SLC4A10: variants seen among roughly 807,000 people sequenced by gnomAD.
SLC4A10 encodes solute carrier family 4 member 10, also known as sodium-driven chloride bicarbonate exchanger.
Under a neutral mutation model 137.7 loss-of-function variants are expected in SLC4A10, and 42 were observed. The observed-to-expected ratio is 0.30, with a 90% CI of 0.24 to 0.39. The LOEUF (loss-of-function observed/expected upper bound fraction) is 0.39, where lower values mean the gene tolerates loss of function less well. SLC4A10 is among the 10% of genes least tolerant of loss of function. The pLI is 1.00. For synonymous variants in SLC4A10, 474 were observed against 464.1 expected, an observed-to-expected ratio of 1.02 and a Z score of -0.27; for missense variants, 925 against 1,355.0, an observed-to-expected ratio of 0.68 and a Z score of 4.98.
intron 4 of SLC4A10, among the ~76,000 whole-genome samples, chr2:161,850,622 A>G (rs1040088859): frequency 1.3e-5 from 2 of 152,042 alleles, no homozygotes; most frequent in African/African-American, 2.4e-5. Flanking sequence ...TAGTATAGCT[A>G]ATAGTATATC....
At chr2:161,875,905 A>T (rs2125939420) in intron 8 of SLC4A10, among the ~76,000 whole-genome samples, 1 of 152,294 alleles carries the variant, frequency 6.6e-6, no homozygotes, top group East Asian at 1.9e-4. Flanking sequence ...AATCCCTATG[A>T]AGTTTCTTGT....
intron 9 of SLC4A10, among the ~76,000 whole-genome samples, chr2:161,879,786 T>C (rs1389827128): frequency 6.6e-6 from 1 of 152,078 alleles, no homozygotes; most frequent in Non-Finnish European, 1.5e-5. Context: ...CTAGGCACAG[T>C]GGGCTTCCGA....
intron 11 of SLC4A10, among the ~76,000 whole-genome samples, chr2:161,899,921 A>G (rs1682664763): frequency 6.6e-6 from 1 of 152,100 alleles, no homozygotes; most frequent in Admixed American, 6.6e-5. Context: ...ATTTTTCAAA[A>G]CCTTTTTTAT....
At chr2:161,981,065 A>G (rs1360934079) in intron 26 of SLC4A10, among the ~76,000 whole-genome samples, 1 of 152,260 alleles carries the variant, frequency 6.6e-6, no homozygotes, top group Non-Finnish European at 1.5e-5. Context: ...AAGAGGGAAA[A>G]AAACCCAGAC....
intron 2 of SLC4A10, among the ~76,000 whole-genome samples, chr2:161,789,259 T>A (rs773710252): frequency 3.3e-5 from 5 of 152,178 alleles, no homozygotes; most frequent in Non-Finnish European, 5.9e-5. Context: ...TCTGACAATT[T>A]GTCAGTCAGC....
At chr2:161,981,581 A>T (rs1438839196) in intron 26 of SLC4A10, among the ~76,000 whole-genome samples, 2 of 152,246 alleles carry the variant, frequency 1.3e-5, no homozygotes, top group Non-Finnish European at 2.9e-5. Context: ...TTGGCAAAAG[A>T]GACTGGAAGG....
intron 15 of SLC4A10, among the ~76,000 whole-genome samples, chr2:161,912,243 C>T (rs560703578): frequency 6.6e-6 from 1 of 152,188 alleles, no homozygotes; most frequent in South Asian, 2.1e-4. Context: ...ACTTTCTTGT[C>T]AAATAGGTAT....
chr2:161,656,829 A>G (rs2037604614), intron 1 of SLC4A10, among the ~76,000 whole-genome samples: 1 of 152,102 alleles, frequency 6.6e-6, no homozygotes, highest in Non-Finnish European at 1.5e-5. Flanking sequence ...AAATGCATAT[A>G]TGTTCTTTGT....
intron 2 of SLC4A10, among the ~76,000 whole-genome samples, chr2:161,784,708 T>A (rs919044797): frequency 2.0e-5 from 3 of 151,326 alleles, no homozygotes; most frequent in Admixed American, 6.6e-5. Flanking sequence ...GACATGAAGA[T>A]GAAAACATAA....
chr2:161,796,333 G>A lies in SLC4A10; in HGVS notation c.131-8116G>A, dbSNP rs186310450. Among the ~76,000 whole-genome samples the A allele has an allele frequency of 2.3e-4, 35 of 152,228 alleles. No homozygotes were observed. In the South Asian group the frequency reaches 5.0e-3, roughly 22 times the overall value. Reference sequence around the variant, plus strand: ...GTTCTTCTAATGTGAATCAGCTGGCGCCCGCTTCTACAATCAGCTGATGAT... The same window carrying A: ...GTTCTTCTAATGTGAATCAGCTGGCACCCGCTTCTACAATCAGCTGATGAT... On this transcript the variant is annotated intron_variant, in intron 2 of 26. Transcript: ENST00000446997.
At position 161,905,734 on chromosome 2, in the gene SLC4A10, C is replaced by G. The variant is rs1442274736; in HGVS notation, c.1844C>G (p.Ser615Cys). Reference sequence around the variant, plus strand: ...ATACTTGTGGCCACAGATGCTAGTTCCCTTGTCTGCTACATCACTCGGTTT... The same window carrying G: ...ATACTTGTGGCCACAGATGCTAGTTGCCTTGTCTGCTACATCACTCGGTTT... Reference protein sequence around the residue: ...CIILVATDASSLVCYITRFTE... With the variant: ...CIILVATDASCLVCYITRFTE... Residue 615 changes from serine (S) to cysteine (C), a missense_variant, in exon 15 of 27, where the codon TCC (serine) becomes TGC (cysteine). Physicochemically the swap from Ser to Cys is moderately radical, Grantham distance 112. Around this residue, in one of 11 missense-constraint regions of SLC4A10, gnomAD observed 61 missense variants for 168.0 expected, o/e 0.36. Transcript: ENST00000446997. 1.2e-6 allele frequency: 2 copies of G among 1,613,952 alleles called. No homozygotes were observed. Among genetic ancestry groups the G allele is most frequent in the Non-Finnish European group, 1.7e-6 (2 of 1,179,892 alleles).
chr2:161,850,019 C>CT (rs1047022493), intron 4 of SLC4A10, among the ~76,000 whole-genome samples: 21 of 152,158 alleles, frequency 1.4e-4, no homozygotes, highest in African/African-American at 5.1e-4. Context: ...TGATCCAAGG[C>CT]TTTTTTCTGG....
intron 1 of SLC4A10, among the ~76,000 whole-genome samples, chr2:161,657,132 C>T: frequency 6.6e-6 from 1 of 151,808 alleles, no homozygotes; most frequent in Non-Finnish European, 1.5e-5. Flanking sequence ...GAATAATTTT[C>T]CCTTCTGAAT....
At chr2:161,970,849 C>T (rs1290620445) in intron 23 of SLC4A10, among the ~76,000 whole-genome samples, 1 of 152,148 alleles carries the variant, frequency 6.6e-6, no homozygotes, top group East Asian at 1.9e-4. Flanking sequence ...GTTATCAAAC[C>T]ACACCAGGAT....
In SLC4A10 at chr2:161,734,933, G is replaced by T. The variant is rs989466086; in HGVS notation, c.49-36040G>T. The stretch of plus-strand genomic sequence containing the variant: ...CATGATAGTGAGGGAGTTCTCATGA[G>T]GTCTGATGGTTTTAAAGTTTGTGGC... On this transcript the variant is annotated intron_variant, in intron 1 of 26. Transcript: ENST00000446997. Among the ~76,000 whole-genome samples the T allele has an allele frequency of 4.0e-5, 6 of 151,894 alleles. No homozygotes were observed. In the East Asian group the frequency reaches 1.2e-3, roughly 29 times the overall value.
At chr2:161,653,089 A>G (rs1314428959) in intron 1 of SLC4A10, among the ~76,000 whole-genome samples, 46 of 152,094 alleles carry the variant, frequency 3.0e-4, no homozygotes, top group Admixed American at 3.0e-3. Flanking sequence ...CTTATGAATG[A>G]GAACACGTGG....
At chr2:161,738,872 G>A (rs2047602001) in intron 1 of SLC4A10, among the ~76,000 whole-genome samples, 1 of 152,062 alleles carries the variant, frequency 6.6e-6, no homozygotes, top group African/African-American at 2.4e-5. Flanking sequence ...ATTTAGATAG[G>A]GCAAGGTTAT....
intron 15 of SLC4A10, among the ~76,000 whole-genome samples, chr2:161,934,533 A>G (rs1175456109): frequency 6.6e-6 from 1 of 152,138 alleles, no homozygotes; most frequent in African/African-American, 2.4e-5. Context: ...ATTTCATCAT[A>G]TATATGTACC....
At chr2:161,654,239 C>T (rs1558954015) in intron 1 of SLC4A10, among the ~76,000 whole-genome samples, 1 of 152,140 alleles carries the variant, frequency 6.6e-6, no homozygotes, top group Admixed American at 6.5e-5. Context: ...TAGAGTTTTG[C>T]TACTGAGTTA....
Sources: allele counts gnomAD v4.1 joint callset (sites outside exome capture counted in the v4.1 genomes callset), GRCh38; gene constraint gnomAD v4.1.1; regional missense constraint gnomAD v4.1.1; transcripts MANE v1.5; gene names NCBI Gene and HGNC (gene_info 2026-07-23, HGNC 2026-07-21).